BUD13: variants seen among roughly 807,000 people sequenced by gnomAD.
BUD13 encodes BUD13 spliceosome associated protein.
Under a neutral mutation model 62.5 loss-of-function variants are expected in BUD13, and 47 were observed. That is an observed-to-expected ratio of 0.75 (90% CI 0.60 to 0.96). BUD13 has a LOEUF of 0.96. Ranked by LOEUF, BUD13 falls within the 40% of genes least tolerant of loss-of-function variation. The pLI is 0.00. For missense variants in BUD13, 821 were observed against 790.9 expected, an observed-to-expected ratio of 1.04 and a Z score of -0.46; for synonymous variants, 293 against 280.1, an observed-to-expected ratio of 1.05 and a Z score of -0.46.
At position 116,772,959 on chromosome 11, in the gene BUD13, C is replaced by A. The variant is rs779352558; in HGVS notation, c.6G>T (p.Ala2=). 1 of 1,553,938 alleles carries A rather than the reference C, an allele frequency of 6.4e-7. No homozygotes were observed. Among genetic ancestry groups the A allele is most frequent in the East Asian group, 2.5e-5 (1 of 39,804 alleles). Residue 2 remains alanine, a synonymous_variant, in exon 1 of 10, where the codon GCG becomes GCT. Transcript: ENST00000260210. ...CGGCCTTGGAAAGCGGCGGAGCTGC[C>A]GCCATGGCAGCGGCGGGGGCAGAGA... M[A]AAPPLSKAEY...
At chr11:116,763,843 T>C (rs1940482488) in intron 3 of BUD13, among the ~76,000 whole-genome samples, 1 of 152,262 alleles carries the variant, frequency 6.6e-6, no homozygotes, top group Non-Finnish European at 1.5e-5. Flanking sequence ...CACTGTGCTC[T>C]TTCTTAGAGA....
At chr11:116,765,204 T>C (rs1302213801) in intron 3 of BUD13, among the ~76,000 whole-genome samples, 158 bp downstream of exon 3, 1 of 152,226 alleles carries the variant, frequency 6.6e-6, no homozygotes, top group Non-Finnish European at 1.5e-5. Flanking sequence ...TATGTCTTAC[T>C]ACCTCTGAAG....
intron 8 of BUD13, among the ~76,000 whole-genome samples, chr11:116,757,492 G>C (rs983776032): frequency 3.1e-4 from 46 of 149,230 alleles, no homozygotes; most frequent in African/African-American, 1.1e-3. Context: ...TTTTAGTAGA[G>C]ATGGGGTTTC....
chr11:116,764,340 C>T (rs1018625275), intron 3 of BUD13, among the ~76,000 whole-genome samples: 5 of 152,080 alleles, frequency 3.3e-5, no homozygotes, highest in Admixed American at 2.6e-4. Flanking sequence ...GGGGAACAGC[C>T]CTATCTGATT....
At chr11:116,753,194 C>A (rs898960358) in intron 9 of BUD13, among the ~76,000 whole-genome samples, 4 of 152,096 alleles carry the variant, frequency 2.6e-5, no homozygotes, top group African/African-American at 9.7e-5. Context: ...CTCATGAAGG[C>A]AGAAAGCCAC....
chr11:116,760,336 T>G (rs1375922945), intron 5 of BUD13, among the ~76,000 whole-genome samples: 1 of 152,240 alleles, frequency 6.6e-6, no homozygotes, highest in Non-Finnish European at 1.5e-5. Flanking sequence ...TTAAGCATCT[T>G]GCCCAAATCT....
intron 2 of BUD13, among the ~76,000 whole-genome samples, chr11:116,767,975 AAATAATAATAATAATAAT>A (rs57099961): frequency 1.3e-4 from 19 of 143,680 alleles, no homozygotes; most frequent in South Asian, 2.3e-4. Flanking sequence ...CCTGTCTCAA[AAATAATAATAATAATAAT>A]AATAATAATA....
intron 8 of BUD13, 144 bp downstream of exon 8, chr11:116,757,622 G>C (rs1225525701): frequency 3.6e-6 from 4 of 1,118,096 alleles, no homozygotes; most frequent in Non-Finnish European, 5.1e-6. Context: ...TATATAGAAA[G>C]ACCAATTGAG....
At chr11:116,766,532 C>T (rs1177138417) in intron 2 of BUD13, among the ~76,000 whole-genome samples, 1 of 152,206 alleles carries the variant, frequency 6.6e-6, no homozygotes, top group Non-Finnish European at 1.5e-5. Flanking sequence ...GATCTAAACC[C>T]CAGCTCGGCC....
intron 5 of BUD13, 54 bp from the exon 6 acceptor site, chr11:116,759,233 C>T (rs4938310): frequency 0.2 from 247,455 of 1,268,524 alleles, 26,162 homozygotes; most frequent in Middle Eastern, 0.23. Context: ...TGACAGTAGG[C>T]TCCATGGGTA....
rs1469962057 is a variant in BUD13 at position 116,760,896 on chromosome 11, G to C, written c.1093C>G (p.Pro365Ala). 2 of 1,614,090 alleles carry C rather than the reference G, an allele frequency of 1.2e-6. No homozygotes were observed. Among genetic ancestry groups the C allele is most frequent in the Non-Finnish European group, 1.7e-6 (2 of 1,180,012 alleles). ...DLSSPRHKQS[P>A]GHQDSDSDLS... is the part of the protein sequence containing the mutation. ...TCTGAATCAGAATCCTGGTGCCCTG[G>C]ACTTTGTTTATGCCGTGGAGAAGAA... Residue 365 changes from proline to alanine, a missense_variant, in exon 5 of 10, where the codon CCA becomes GCA. Pro to Ala is a conservative substitution (Grantham distance 27). Around this residue, in one of 2 missense-constraint regions of BUD13, gnomAD observed 800 missense variants for 739.2 expected, o/e 1.08. Transcript: ENST00000260210.
In BUD13 at chr11:116,772,830, G is replaced by A. The variant is rs1272720523; in HGVS notation, c.135C>T (p.Gly45=). ...RKKRPKPGGA[G]GKGMRIVDDD... ...GGCCGGTACCAACTCACCCCTTGCC[G>A]CCGGCCCCGCCAGGCTTCGGCCGCT... Residue 45 remains glycine (G), a synonymous_variant, in exon 1 of 10, where the codon GGC becomes GGT. Coordinates refer to ENST00000260210, the MANE Select transcript of BUD13 (RefSeq NM_032725.4). 3.2e-6 allele frequency: 5 copies of A among 1,575,330 alleles called. No individual in the cohort carries two copies. The highest frequency in any genetic ancestry group is 3.4e-6 in the Non-Finnish European group (4 of 1,164,496).
At position 116,748,335 on chromosome 11, in the gene BUD13, G is replaced by C; in HGVS notation, c.*147C>G. On this transcript the variant is annotated 3_prime_UTR_variant, in exon 10 of 10. Coordinates refer to ENST00000260210, the MANE Select transcript of BUD13 (RefSeq NM_032725.4). ...TACCTCAGTCCAAACATCAGGTCTC[G>C]AATATTCTTCTGTGGTCAAAACTGG... 3 of 670,080 alleles carry C rather than the reference G, an allele frequency of 4.5e-6. No individual in the cohort carries two copies. The highest frequency in any genetic ancestry group is 7.8e-6 in the Non-Finnish European group (3 of 384,830). 41.5% of individuals were successfully genotyped at this position (670,080 alleles called of 1,614,324 possible). A position where few individuals can be genotyped will look rare whatever the true frequency, so the allele number is the denominator to read the frequency against.
At chr11:116,770,886 C>CG (rs1940615688) in intron 1 of BUD13, among the ~76,000 whole-genome samples, 1 of 152,054 alleles carries the variant, frequency 6.6e-6, no homozygotes, top group South Asian at 2.1e-4. Flanking sequence ...CTTGACTTCC[C>CG]GGGGTTAAGT....
rs746304555 is a variant in BUD13, at chr11:116,759,078, A to G, written c.1356T>C (p.Phe452=). ...LKEQDQETMA[F]EAEFQYAETV... ...TCTGCACTTTCATATTTTTACCTTC[A>G]AATGCCATGGTTTCTTGATCCTGTT... Residue 452 remains phenylalanine, a synonymous_variant, in exon 6 of 10, where the codon TTT becomes TTC. Transcript: ENST00000260210. The G allele has an allele frequency of 6.2e-7, 1 of 1,612,950 alleles. No homozygotes were observed. The highest frequency in any genetic ancestry group is 1.7e-4 in the Middle Eastern group (1 of 6,054).
Position 116,748,404 on chromosome 11 carries a change from C to A in BUD13, c.*78G>T, listed in dbSNP as rs746909328. The stretch of plus-strand genomic sequence containing the variant: ...TCTGTGTGGGCTCCAATTATTAGCA[C>A]AGACAACTGTTACCACTGGATATCT... On this transcript the variant is annotated 3_prime_UTR_variant, in exon 10 of 10. Coordinates refer to ENST00000260210, the MANE Select transcript of BUD13 (RefSeq NM_032725.4). 7.6e-7 allele frequency: 1 copy of A among 1,311,022 alleles called. No homozygotes were observed. The highest frequency in any genetic ancestry group is 1.5e-5 in the African/African-American group (1 of 68,876). The allele number at this position is 1,311,022 out of a possible 1,614,324, so 81.2% of individuals were successfully genotyped here. A position where few individuals can be genotyped will look rare whatever the true frequency, so the allele number is the denominator to read the frequency against.
At chr11:116,768,290 C>T (rs1247687364) in intron 2 of BUD13, among the ~76,000 whole-genome samples, 2 of 151,882 alleles carry the variant, frequency 1.3e-5, no homozygotes, top group Non-Finnish European at 1.5e-5. Context: ...ACTACATAAC[C>T]GTTAAAAATC....
In BUD13 at chr11:116,762,627, T is replaced by C. The variant is rs1243259984; in HGVS notation, c.962A>G (p.Asp321Gly). 10 of 1,614,022 alleles carry C rather than the reference T, an allele frequency of 6.2e-6. No homozygotes were observed. The highest frequency in any genetic ancestry group is 6.8e-6 in the Non-Finnish European group (8 of 1,180,030). Residue 321 changes from aspartate (D) to glycine (G), a missense_variant, in exon 4 of 10, where the codon GAC becomes GGC. Asp to Gly is a moderately conservative substitution (Grantham distance 94). Transcript: ENST00000260210. ...SFPKNSKYEYDPDISPPRKKQ... is the reference protein window; with the variant it reads ...SFPKNSKYEYGPDISPPRKKQ... ...TTTTCGTGGAGGAGAGATGTCAGGGTCATACTCATATTTGCTGTTCTTTGG... is the reference window on the plus strand; with the variant it reads ...TTTTCGTGGAGGAGAGATGTCAGGGCCATACTCATATTTGCTGTTCTTTGG...
chr11:116,756,742 A>G (rs550474257), intron 9 of BUD13, among the ~76,000 whole-genome samples: 1 of 152,304 alleles, frequency 6.6e-6, no homozygotes, highest in South Asian at 2.1e-4. Flanking sequence ...ACTGGAAGAC[A>G]TTAAAAGTGA....
Sources: gnomAD v4.1 joint callset for allele counts (sites outside exome capture counted in the v4.1 genomes callset) on GRCh38, gnomAD v4.1.1 for gene constraint, gnomAD v4.1.1 regional missense constraint, MANE v1.5 for transcripts, NCBI Gene and HGNC (gene_info 2026-07-23, HGNC 2026-07-21) for gene names.